Variants in SLC2A11 observed in about 807,000 individuals in gnomAD.
The protein encoded by SLC2A11 is solute carrier family 2, facilitated glucose transporter member 11.
Under a neutral mutation model 52.1 loss-of-function variants are expected in SLC2A11, and 43 were observed. That is an observed-to-expected ratio of 0.82 (90% CI 0.65 to 1.06). The LOEUF (loss-of-function observed/expected upper bound fraction) is 1.06. Ranked by LOEUF, SLC2A11 falls within the 50% of genes least tolerant of loss-of-function variation. The probability of loss-of-function intolerance (pLI) is 0.00; values close to 1 mark genes in which losing one functional copy is unlikely to be tolerated. For synonymous variants in SLC2A11, 261 were observed against 277.6 expected (o/e 0.94, Z 0.59); for missense variants, 582 against 654.2 (o/e 0.89, Z 1.20).
At position 23,884,149 on chromosome 22, in the gene SLC2A11, G is replaced by A. The variant is rs560627753; in HGVS notation, c.1171+125G>A. ...AGGCCCTCAGAGACCACCTCATGCC[G>A]GGGCTTCTGGGAGGGAATGGCAGGA... is the stretch of plus-strand genomic sequence containing the variant. On this transcript the variant is annotated intron_variant, in intron 10 of 11. Coordinates refer to ENST00000316185, the MANE Select transcript of SLC2A11 (RefSeq NM_001024939.4). This position sits in a 1 kb window ranked among gnomAD's most constrained non-coding sequence, Gnocchi z 4.3. 1.3e-4 allele frequency: 196 copies of A among 1,482,512 alleles called. 1 individual carries two copies. In the East Asian group the frequency reaches 2.9e-3, roughly 22 times the overall value. 91.8% of individuals were successfully genotyped at this position (1,482,512 alleles called of 1,614,324 possible).
intron 6 of SLC2A11, chr22:23,879,414 C>G (rs1212163344): frequency 6.6e-6 from 1 of 152,144 alleles, no homozygotes; most frequent in Non-Finnish European, 1.5e-5. Context: ...TGCCACCACG[C>G]TTGGCTAATT....
upstream of SLC2A11, chr22:23,857,039 A>T: frequency 8.0e-7 from 1 of 1,255,256 alleles, no homozygotes; most frequent in Non-Finnish European, 1.1e-6. Flanking sequence ...CTCTGGGGAA[A>T]GGTCGGGGAT....
chr22:23,858,483 A>G (rs73158768), intron 1 of SLC2A11, among the ~76,000 whole-genome samples: 9,294 of 152,190 alleles, frequency 0.061, 320 homozygotes, highest in Middle Eastern at 0.13. Flanking sequence ...CACCGCTTCT[A>G]GGGGTTCCTT....
At chr22:23,859,811 A>C (rs550509851) in intron 1 of SLC2A11, among the ~76,000 whole-genome samples, 6 of 152,374 alleles carry the variant, frequency 3.9e-5, no homozygotes, top group Admixed American at 2.0e-4. Context: ...TTGACTAATA[A>C]ATGAATAAAT....
chr22:23,871,752 A>AT (rs1238959817), intron 3 of SLC2A11: 1 of 152,166 alleles, frequency 6.6e-6, no homozygotes, highest in African/African-American at 2.4e-5. Flanking sequence ...AAAAAAAAAA[A>AT]AGCCCATGCT....
At chr22:23,859,397 G>T (rs1244741723) in intron 1 of SLC2A11, among the ~76,000 whole-genome samples, 1 of 152,196 alleles carries the variant, frequency 6.6e-6, no homozygotes, top group Non-Finnish European at 1.5e-5. Flanking sequence ...CCAGCCTCCA[G>T]TGCAGTATCT....
At chr22:23,879,213 A>G (rs1198774381) in intron 6 of SLC2A11, among the ~76,000 whole-genome samples, 1 of 151,952 alleles carries the variant, frequency 6.6e-6, no homozygotes, top group Admixed American at 6.6e-5. Context: ...GTTCATAGGC[A>G]TGACGCCATT....
At chr22:23,876,146 T>C (rs1301495016) in intron 4 of SLC2A11, among the ~76,000 whole-genome samples, 1 of 152,108 alleles carries the variant, frequency 6.6e-6, no homozygotes, top group Non-Finnish European at 1.5e-5. Flanking sequence ...AGAGAGGGCA[T>C]GCACAAGGAG....
At chr22:23,862,641 G>A (rs913221424) in intron 2 of SLC2A11, among the ~76,000 whole-genome samples, 20 of 145,990 alleles carry the variant, frequency 1.4e-4, no homozygotes, top group African/African-American at 5.1e-4. Flanking sequence ...TTTTTTTTTC[G>A]AGATGGAGTT....
At chr22:23,870,087 C>A in intron 3 of SLC2A11, 1 of 716,390 alleles carries the variant, frequency 1.4e-6, no homozygotes, top group South Asian at 1.5e-5. Flanking sequence ...CAAACCATAG[C>A]ACCAGCACTG....
intron 2 of SLC2A11, among the ~76,000 whole-genome samples, chr22:23,864,850 G>T (rs960698208): frequency 3.9e-5 from 6 of 151,924 alleles, no homozygotes; most frequent in Non-Finnish European, 7.4e-5. Flanking sequence ...GCTCATGCCT[G>T]TAATCCCAGC....
chr22:23,884,631 G>A lies in SLC2A11; in HGVS notation c.1300-18G>A, dbSNP rs779367467. On this transcript the variant is annotated intron_variant, in intron 11 of 11. Transcript: ENST00000316185. This position sits in a 1 kb window ranked among gnomAD's most constrained non-coding sequence, Gnocchi z 4.3. ...TGATGGAGACACACCAGGTCTTGGG[G>A]TCTTTTTTAATCCGCAGGAGGCCTT... 7.5e-6 allele frequency: 12 copies of A among 1,607,066 alleles called. No individual in the cohort carries two copies. The highest frequency in any genetic ancestry group is 1.0e-5 in the Non-Finnish European group (12 of 1,176,542).
intron 1 of SLC2A11, 31 bp downstream of exon 1, chr22:23,858,060 C>G (rs1489410985): frequency 6.4e-7 from 1 of 1,553,024 alleles, no homozygotes; most frequent in Admixed American, 2.0e-5. Context: ...CCAGACCAGG[C>G]GTTTCAGATG....
chr22:23,874,992 C>T (rs1174524180), intron 3 of SLC2A11, 125 bp from the exon 4 acceptor site: 1 of 1,118,872 alleles, frequency 8.9e-7, no homozygotes. Flanking sequence ...TAGTTAATGG[C>T]ATACTACATA....
intron 5 of SLC2A11, 53 bp downstream of exon 5, chr22:23,877,224 C>T (rs1034554064): frequency 3.8e-6 from 6 of 1,572,522 alleles, no homozygotes; most frequent in East Asian, 2.2e-5. Context: ...CCAGTAAAAG[C>T]GTTTCTTCAC....
chr22:23,877,479 G>T, intron 5 of SLC2A11: 2 of 767,138 alleles, frequency 2.6e-6, no homozygotes, highest in Non-Finnish European at 4.6e-6. Flanking sequence ...AAAAAGAGGA[G>T]AAGGCAGAGC....
chr22:23,879,948 C>G (rs1242430766), intron 6 of SLC2A11, among the ~76,000 whole-genome samples: 1 of 152,150 alleles, frequency 6.6e-6, no homozygotes, highest in South Asian at 2.1e-4. Context: ...GCAGGCTGGG[C>G]GCCAGCTCAC....
intron 2 of SLC2A11, chr22:23,867,981 T>C: frequency 3.1e-6 from 1 of 326,760 alleles, no homozygotes; most frequent in East Asian, 7.7e-5. Flanking sequence ...GAATCCCCAA[T>C]TGATGGCCAG....
At chr22:23,857,333 G>T, upstream of SLC2A11, 2 of 1,250,506 alleles carry the variant, frequency 1.6e-6, no homozygotes, top group South Asian at 1.3e-5. Context: ...GGAGCGCGGC[G>T]ACCAGAGTCG....
Sources: gnomAD v4.1 joint callset for allele counts (sites outside exome capture counted in the v4.1 genomes callset) on GRCh38, gnomAD v4.1.1 for gene constraint, Gnocchi (gnomAD v3.1) non-coding constraint, MANE v1.5 for transcripts, NCBI Gene and HGNC (gene_info 2026-07-23, HGNC 2026-07-21) for gene names.